The following HCCS variants were observed in gnomAD, a reference collection of about 807,000 sequenced individuals.
The protein encoded by HCCS is holocytochrome c-type synthase.
Under a neutral mutation model 24.2 loss-of-function variants are expected in HCCS, and 2 were observed. The ratio of observed to expected loss-of-function variants is 0.08; its 90% confidence interval spans 0.03 to 0.26. The LOEUF (loss-of-function observed/expected upper bound fraction) is 0.26. HCCS is among the 10% of genes least tolerant of loss of function. The pLI is 1.00. For synonymous variants in HCCS, 73 were observed against 76.2 expected (o/e 0.96, Z 0.22); for missense variants, 150 against 213.3 (o/e 0.70, Z 1.85).
chrX:11,114,902 C>T lies in HCCS; in HGVS notation c.168C>T (p.His56=). The change falls in exon 3 of 7, where the codon CAC becomes CAT. Residue 56 remains histidine, a synonymous_variant. Transcript: ENST00000380762. ...AGAAAACATACTCTGTGCCTGCCCACCAGGAACGCGCCTATGAGTACGTGG... is the reference window on the plus strand; with the variant it reads ...AGAAAACATACTCTGTGCCTGCCCATCAGGAACGCGCCTATGAGTACGTGG... ...CEKKTYSVPA[H]QERAYEYVEC... 2.5e-6 allele frequency: 3 copies of T among 1,205,464 alleles called. No individual in the cohort carries two copies. The highest frequency in any genetic ancestry group is 2.2e-6 in the Non-Finnish European group (2 of 889,650).
Position 11,119,008 on chromosome X carries a change from A to G in HCCS, c.521+388A>G, listed in dbSNP as rs373961028. 8.8e-4 allele frequency among the ~76,000 whole-genome samples: 98 copies of G among 111,206 alleles called. No individual in the cohort carries two copies. The South Asian group carries it at 0.035, about 39-fold the overall frequency. ...ATATGGCTGTTTTCGGCTTCGTCAT[A>G]TGGTGGCTAGGTTCCAATAGCTAGA... On this transcript the variant is annotated intron_variant, in intron 5 of 6. Coordinates refer to ENST00000380762, the MANE Select transcript of HCCS (RefSeq NM_005333.5).
chrX:11,120,883 C>G (rs1234659016), intron 5 of HCCS, 24 bp from the exon 6 acceptor site: 1 of 1,143,586 alleles, frequency 8.7e-7, no homozygotes, highest in Non-Finnish European at 1.2e-6. Context: ...TTTTAACAGA[C>G]TTTTCTTATT....
Position 11,117,261 on chromosome X carries a change from A to G in HCCS, c.253-6A>G. 1 of 1,206,976 alleles carries G rather than the reference A, an allele frequency of 8.3e-7. No homozygotes were observed. The highest frequency in any genetic ancestry group is 3.0e-5 in the East Asian group (1 of 33,819). On this transcript the variant is annotated splice_region_variant and splice_polypyrimidine_tract_variant and intron_variant, in intron 3 of 6. Coordinates refer to ENST00000380762, the MANE Select transcript of HCCS (RefSeq NM_005333.5). ...CTATAAAAGCAAATCTGTTCATTTTATTTAGATGCCACCACCAAATCAAAC... is the reference window on the plus strand; with the variant it reads ...CTATAAAAGCAAATCTGTTCATTTTGTTTAGATGCCACCACCAAATCAAAC...
rs1431896043 is a variant in HCCS, at chrX:11,122,064, C to T, written c.*254C>T. 1.6e-5 allele frequency: 6 copies of T among 366,478 alleles called. No individual in the cohort carries two copies. The highest frequency in any genetic ancestry group is 2.9e-5 in the Non-Finnish European group (6 of 210,404). The allele number at this position is 366,478 out of a possible 1,213,427, so 30.2% of individuals were successfully genotyped here. A position where few individuals can be genotyped will look rare whatever the true frequency, so the allele number is the denominator to read the frequency against. The stretch of plus-strand genomic sequence containing the variant: ...AGCAGTCTCTCAGTTTTTCCTTTAC[C>T]TGCAGTATTGTCTGTATATTTCATC... On this transcript the variant is annotated 3_prime_UTR_variant, in exon 7 of 7. Transcript: ENST00000380762.
chrX:11,111,554 T>C, intron 1 of HCCS, 36 bp downstream of exon 1: 1 of 152,350 alleles, frequency 6.6e-6, no homozygotes, highest in South Asian at 1.3e-4. Flanking sequence ...GGAAGACACT[T>C]GGCAGCTTCT....
At position 11,114,288 on chromosome X, in the gene HCCS, T is replaced by A. The variant is rs150763701; in HGVS notation, c.101-547T>A. 8.1e-3 allele frequency among the ~76,000 whole-genome samples: 910 copies of A among 112,857 alleles called. 11 individuals carry two copies. Among genetic ancestry groups the A allele is most frequent in the African/African-American group, 0.028 (871 of 31,060 alleles). ...AGTCTTGAGACAAAGCAGAGTGGCA[T>A]TCAGATTTTTTTGCAGTAGCCTCTG... On this transcript the variant is annotated intron_variant, in intron 2 of 6. Coordinates refer to ENST00000380762, the MANE Select transcript of HCCS (RefSeq NM_005333.5).
rs1326763813 is a variant in HCCS, at chrX:11,112,112, T to G, written c.52T>G (p.Ser18Ala). ...PAVAVQASNASASPPSGCPMH... is the reference protein window; with the variant it reads ...PAVAVQASNAAASPPSGCPMH... ...TGTTGCAGTTCAGGCCTCAAATGCT[T>G]CAGCGTCCCCACCTTCAGGATGCCC... The change falls in exon 2 of 7, where the codon TCA (serine) becomes GCA (alanine). Residue 18 changes from serine to alanine, a missense_variant. Coordinates refer to ENST00000380762, the MANE Select transcript of HCCS (RefSeq NM_005333.5). 8.3e-7 allele frequency: 1 copy of G among 1,209,891 alleles called. No homozygotes were observed. The highest frequency in any genetic ancestry group is 3.0e-5 in the East Asian group (1 of 33,874).
intron 3 of HCCS, among the ~76,000 whole-genome samples, chrX:11,116,885 C>G (rs955012225): frequency 8.9e-6 from 1 of 112,684 alleles, no homozygotes; most frequent in Non-Finnish European, 1.9e-5. Flanking sequence ...TACATGTGTG[C>G]TATGAGAGTT....
At chrX:11,114,430 T>C (rs1002453441) in intron 2 of HCCS, among the ~76,000 whole-genome samples, 1 of 111,911 alleles carries the variant, frequency 8.9e-6, no homozygotes, top group African/African-American at 3.3e-5. Flanking sequence ...CTGGAACTAG[T>C]GAATGGAAAG....
intron 4 of HCCS, 62 bp from the exon 5 acceptor site, chrX:11,118,439 T>C: frequency 9.8e-7 from 1 of 1,016,256 alleles, no homozygotes; most frequent in South Asian, 1.9e-5. Flanking sequence ...TGAAAATATG[T>C]GGATTAACTT....
intron 3 of HCCS, 140 bp from the exon 4 acceptor site, chrX:11,117,127 T>G: frequency 1.8e-6 from 1 of 542,555 alleles, no homozygotes; most frequent in Non-Finnish European, 3.2e-6. Context: ...TCAAATTATG[T>G]GAGAAGTCTG....
intron 3 of HCCS, among the ~76,000 whole-genome samples, chrX:11,116,768 G>A (rs1022733416): frequency 1.5e-4 from 17 of 112,423 alleles, no homozygotes; most frequent in African/African-American, 4.5e-4. Context: ...TTCTGACCTC[G>A]CAGCGTTGAG....
chrX:11,114,432 A>T (rs2045433782), intron 2 of HCCS, among the ~76,000 whole-genome samples: 1 of 111,931 alleles, frequency 8.9e-6, no homozygotes, highest in African/African-American at 3.3e-5. Flanking sequence ...GGAACTAGTG[A>T]ATGGAAAGTC....
intron 6 of HCCS, 85 bp from the exon 7 acceptor site, chrX:11,121,527 G>T (rs975244038): frequency 3.8e-6 from 3 of 787,001 alleles, no homozygotes; most frequent in Non-Finnish European, 5.9e-6. Flanking sequence ...GTGTTTGCAT[G>T]TGCTTCTTGA....
At position 11,114,870 on chromosome X, in the gene HCCS, T is replaced by C. The variant is rs764226484; in HGVS notation, c.136T>C (p.Cys46Arg). 8.3e-7 allele frequency: 1 copy of C among 1,208,971 alleles called. No homozygotes were observed. The highest frequency in any genetic ancestry group is 1.7e-5 in the African/African-American group (1 of 57,746). ...PVNTEPSGPT[C>R]EKKTYSVPAH... ...GAATACAGAGCCATCTGGCCCAACC[T>C]GTGAGAAGAAAACATACTCTGTGCC... The change falls in exon 3 of 7, where the codon TGT becomes CGT. Residue 46 changes from cysteine to arginine, a missense_variant. Cys to Arg is a radical substitution (Grantham distance 180). This residue lies in a region of HCCS where 95 missense variants were observed against 79.1 expected (regional missense o/e 1.20). Coordinates refer to ENST00000380762, the MANE Select transcript of HCCS (RefSeq NM_005333.5).
chrX:11,117,169 C>T (rs2045454361), intron 3 of HCCS, 98 bp from the exon 4 acceptor site: 1 of 723,007 alleles, frequency 1.4e-6, no homozygotes, highest in Non-Finnish European at 2.2e-6. Flanking sequence ...AATAAGTAAT[C>T]TGTGCTTTTT....
Position 11,122,978 on chromosome X carries a change from G to A in HCCS, c.*1168G>A, listed in dbSNP as rs1233609622. On this transcript the variant is annotated 3_prime_UTR_variant, in exon 7 of 7. Transcript: ENST00000380762. Reference sequence around the variant, plus strand: ...GTCTGTGGGTGATTAATTTGGTATGGATTTGTCAGTTTTGTGTGGAGTTTA... The same window carrying A: ...GTCTGTGGGTGATTAATTTGGTATGAATTTGTCAGTTTTGTGTGGAGTTTA... 9.0e-6 allele frequency: 1 copy of A among 111,086 alleles called. No individual in the cohort carries two copies. The highest frequency in any genetic ancestry group is 9.6e-5 in the Admixed American group (1 of 10,420). The allele number at this position is 111,086 out of a possible 1,213,427, so 9.2% of individuals were successfully genotyped here.
intron 4 of HCCS, 57 bp from the exon 5 acceptor site, chrX:11,118,444 T>C: frequency 9.3e-7 from 1 of 1,073,434 alleles, no homozygotes; most frequent in South Asian, 1.9e-5. Context: ...ATATGTGGAT[T>C]AACTTTATGG....
rs920682801 is a variant in HCCS at position 11,122,020 on chromosome X, C to G, written c.*210C>G. On this transcript the variant is annotated 3_prime_UTR_variant, in exon 7 of 7. Transcript: ENST00000380762. The stretch of plus-strand genomic sequence containing the variant: ...TATAGCAGATCATTTTGTTTTCTTC[C>G]TACTTAGCTTAAGTGGGAAGCAGTC... 1.5e-5 allele frequency: 6 copies of G among 409,718 alleles called. No individual in the cohort carries two copies. Among genetic ancestry groups the G allele is most frequent in the African/African-American group, 5.0e-5 (2 of 39,960 alleles). The allele number at this position is 409,718 out of a possible 1,213,427, so 33.8% of individuals were successfully genotyped here.
Sources: gnomAD v4.1 joint callset for allele counts (sites outside exome capture counted in the v4.1 genomes callset) on GRCh38, gnomAD v4.1.1 for gene constraint, gnomAD v4.1.1 regional missense constraint, MANE v1.5 for transcripts, NCBI Gene and HGNC (gene_info 2026-07-23, HGNC 2026-07-21) for gene names.